PCDHA12: variants seen among roughly 807,000 people sequenced by gnomAD.
PCDHA12 encodes protocadherin alpha 12, also known as protocadherin alpha-12.
A neutral mutation model predicts 60.0 loss-of-function variants in PCDHA12; 44 were observed. The ratio of observed to expected loss-of-function variants is 0.73; its 90% CI spans 0.58 to 0.94. PCDHA12 has a LOEUF of 0.94. PCDHA12 is among the 40% of genes least tolerant of loss of function. The pLI, the probability that PCDHA12 is intolerant of heterozygous loss-of-function variation, is 0.00. For missense variants in PCDHA12, 1,276 were observed against 1,239.7 expected, an observed-to-expected ratio of 1.03 and a Z score of -0.44; for synonymous variants, 569 against 553.0, an observed-to-expected ratio of 1.03 and a Z score of -0.40.
At chr5:141,006,372 C>T (rs781874533) in intron 3 of PCDHA12, among the ~76,000 whole-genome samples, 10 of 151,926 alleles carry the variant, frequency 6.6e-5, no homozygotes, top group Non-Finnish European at 1.0e-4. Context: ...CCACCACGCC[C>T]GGCTAAGTTT....
rs147047116 is a variant in PCDHA12, at chr5:140,937,713, C to T, written c.2368-41236C>T. Among the ~76,000 whole-genome samples the T allele has an allele frequency of 7.0e-4, 107 of 151,998 alleles. No homozygotes were observed. The East Asian group carries it at 0.02, about 28-fold the overall frequency. On this transcript the variant is annotated intron_variant, in intron 1 of 3. Transcript: ENST00000398631. The stretch of plus-strand genomic sequence containing the variant: ...GGATCACGAGGTCAGGAGATCAAGA[C>T]CATCCTGGCTAACACGGTGAAACCC...
At position 140,883,117 on chromosome 5, in the gene PCDHA12, G is replaced by T. The variant is rs782191143; in HGVS notation, c.2367+5278G>T. Reference sequence around the variant, plus strand: ...GAGATATAGTTTACTCATTTAGAAGGCCTGTATGGCCTGCAGTGGTATATG... The same window carrying T: ...GAGATATAGTTTACTCATTTAGAAGTCCTGTATGGCCTGCAGTGGTATATG... On this transcript the variant is annotated intron_variant, in intron 1 of 3. Transcript: ENST00000398631. 2.5e-6 allele frequency: 4 copies of T among 1,613,898 alleles called. No homozygotes were observed. Among genetic ancestry groups the T allele is most frequent in the Admixed American group, 3.3e-5 (2 of 59,964 alleles).
intron 1 of PCDHA12, among the ~76,000 whole-genome samples, chr5:140,925,578 A>G (rs1378824182): frequency 6.6e-6 from 1 of 151,838 alleles, no homozygotes; most frequent in African/African-American, 2.4e-5. Flanking sequence ...GCACACCAAC[A>G]TGGCGCATGT....
chr5:141,002,049 A>G (rs1288460436), intron 3 of PCDHA12, among the ~76,000 whole-genome samples: 1 of 152,228 alleles, frequency 6.6e-6, no homozygotes, highest in Non-Finnish European at 1.5e-5. Flanking sequence ...CTGGGCATCC[A>G]GAGGCAGCAG....
chr5:140,884,239 C>T, intron 1 of PCDHA12: 1 of 1,613,424 alleles, frequency 6.2e-7, no homozygotes, highest in Non-Finnish European at 8.5e-7. Context: ...ACGGTGAGCC[C>T]GCGCTGACGG....
At chr5:140,912,674 A>G (rs184432134) in intron 1 of PCDHA12, among the ~76,000 whole-genome samples, 14 of 152,238 alleles carry the variant, frequency 9.2e-5, no homozygotes, top group Admixed American at 7.2e-4. Flanking sequence ...GGCATCCTTG[A>G]CTTATTCCAG....
At chr5:140,882,940 C>T (rs1554176179) in intron 1 of PCDHA12, 2 of 1,614,208 alleles carry the variant, frequency 1.2e-6, no homozygotes, top group Admixed American at 3.3e-5. Flanking sequence ...AGCTGACTGG[C>T]ACAGTTCAGC....
chr5:140,927,843 C>G, intron 1 of PCDHA12: 2 of 1,614,186 alleles, frequency 1.2e-6, no homozygotes, highest in Non-Finnish European at 1.7e-6. Flanking sequence ...ACGAAGGTGT[C>G]TTTGGTTTAG....
At chr5:140,954,297 C>T (rs1369831854) in intron 1 of PCDHA12, among the ~76,000 whole-genome samples, 2 of 152,180 alleles carry the variant, frequency 1.3e-5, no homozygotes, top group African/African-American at 4.8e-5. Flanking sequence ...TGGGTACATA[C>T]CCAGTAATGG....
At chr5:140,985,180 G>A (rs782679962) in intron 3 of PCDHA12, among the ~76,000 whole-genome samples, 1 of 152,028 alleles carries the variant, frequency 6.6e-6, no homozygotes, top group Non-Finnish European at 1.5e-5. Flanking sequence ...CTCGTAATCC[G>A]CCTGCCTCGG....
intron 1 of PCDHA12, among the ~76,000 whole-genome samples, chr5:140,926,202 G>T (rs1194252332): frequency 6.6e-6 from 1 of 151,658 alleles, no homozygotes; most frequent in East Asian, 1.9e-4. Flanking sequence ...TTCTTTCGGG[G>T]GGCTCCTGTT....
chr5:140,933,270 C>T (rs1388946153), intron 1 of PCDHA12, among the ~76,000 whole-genome samples: 1 of 151,842 alleles, frequency 6.6e-6, no homozygotes, highest in African/African-American at 2.4e-5. Context: ...ATTATATATT[C>T]ATTTGGAACT....
chr5:140,946,353 A>C (rs2093933429), intron 1 of PCDHA12, among the ~76,000 whole-genome samples: 1 of 151,910 alleles, frequency 6.6e-6, no homozygotes, highest in Admixed American at 6.6e-5. Context: ...GAGGATGTGG[A>C]GAAAAGGGAA....
intron 1 of PCDHA12, chr5:140,929,002 T>C (rs1584608620): frequency 6.2e-7 from 1 of 1,614,048 alleles, no homozygotes; most frequent in Non-Finnish European, 8.5e-7. Flanking sequence ...TTTCTTCGTG[T>C]GTACCAAGTT....
intron 3 of PCDHA12, among the ~76,000 whole-genome samples, chr5:140,986,019 G>T (rs562523452): frequency 1.3e-5 from 2 of 152,036 alleles, no homozygotes; most frequent in African/African-American, 2.4e-5. Flanking sequence ...GATTACAGGC[G>T]TGAGCCACTG....
intron 3 of PCDHA12, among the ~76,000 whole-genome samples, chr5:140,996,592 C>T (rs2097733979): frequency 6.7e-6 from 1 of 149,052 alleles, no homozygotes; most frequent in African/African-American, 2.4e-5. Context: ...AGGGCCGCCT[C>T]CCCCCATTTT....
chr5:140,913,447 C>T (rs1445715185), intron 1 of PCDHA12, among the ~76,000 whole-genome samples: 5 of 152,022 alleles, frequency 3.3e-5, no homozygotes, highest in African/African-American at 9.7e-5. Context: ...TTTTCAGCTC[C>T]GATTTTATTT....
intron 1 of PCDHA12, among the ~76,000 whole-genome samples, chr5:140,902,712 C>T (rs1207971068): frequency 6.6e-6 from 1 of 152,008 alleles, no homozygotes; most frequent in African/African-American, 2.4e-5. Flanking sequence ...CTTTCACTCC[C>T]CTCCCACCCT....
intron 3 of PCDHA12, among the ~76,000 whole-genome samples, chr5:141,000,842 G>A (rs2097967739): frequency 1.3e-5 from 2 of 151,954 alleles, no homozygotes; most frequent in Non-Finnish European, 2.9e-5. Flanking sequence ...AGGAGATCCA[G>A]TCTGGCAGTC....
Sources: gnomAD v4.1 joint callset for allele counts (sites outside exome capture counted in the v4.1 genomes callset) on GRCh38, gnomAD v4.1.1 for gene constraint, MANE v1.5 for transcripts, NCBI Gene and HGNC (gene_info 2026-07-23, HGNC 2026-07-21) for gene names.